Variants in RTCB observed in about 807,000 individuals in gnomAD.
RTCB encodes the protein RNA-splicing ligase RTCB.
Under a neutral mutation model 58.2 loss-of-function variants are expected in RTCB, and 32 were observed. The observed-to-expected ratio is 0.55, with a 90% CI of 0.41 to 0.74. The LOEUF (loss-of-function observed/expected upper bound fraction) is 0.74, where lower values mean the gene tolerates loss of function less well. RTCB is among the 30% of genes least tolerant of loss of function. The pLI, the probability that RTCB is intolerant of heterozygous loss-of-function variation, is 0.00. For synonymous variants in RTCB, 247 were observed against 218.6 expected, an observed-to-expected ratio of 1.13 and a Z score of -1.15; for missense variants, 523 against 639.0, an observed-to-expected ratio of 0.82 and a Z score of 1.96.
Position 32,398,565 on chromosome 22 carries a change from T to C in RTCB, c.655-465A>G, listed in dbSNP as rs546275305. ...GCAGCAAACCACCATGGCAAATGTA[T>C]ACCTATGTCACAAACCAGCACATGT... is the stretch of plus-strand genomic sequence containing the variant. On this transcript the variant is annotated intron_variant, in intron 6 of 11. Transcript: ENST00000216038. Among the ~76,000 whole-genome samples the C allele has an allele frequency of 3.0e-4, 45 of 152,290 alleles. No homozygotes were observed. The South Asian group carries it at 9.3e-3, about 32-fold the overall frequency.
intron 4 of RTCB, among the ~76,000 whole-genome samples, chr22:32,404,962 GT>G (rs1412017011): frequency 1.3e-5 from 2 of 151,894 alleles, no homozygotes; most frequent in Non-Finnish European, 2.9e-5. Flanking sequence ...GCTAGGTCTA[GT>G]TTTTATTTAA....
intron 1 of RTCB, among the ~76,000 whole-genome samples, chr22:32,409,569 A>G (rs1933484715): frequency 6.6e-6 from 1 of 152,236 alleles, no homozygotes; most frequent in Admixed American, 6.5e-5. Flanking sequence ...CAAAGATTTA[A>G]CACTTAATCA....
At chr22:32,388,363 A>T (rs1933094385) in intron 11 of RTCB, among the ~76,000 whole-genome samples, 1 of 152,102 alleles carries the variant, frequency 6.6e-6, no homozygotes, top group South Asian at 2.1e-4. Flanking sequence ...TAGGAAATGT[A>T]GTAAATGTAA....
intron 2 of RTCB, 65 bp downstream of exon 2, chr22:32,408,690 C>T (rs1933468997): frequency 4.3e-6 from 5 of 1,176,108 alleles, no homozygotes; most frequent in Non-Finnish European, 6.4e-6. Context: ...ATTTGAGTTG[C>T]CACTTTTTCA....
At chr22:32,402,697 C>G (rs922982175) in intron 4 of RTCB, among the ~76,000 whole-genome samples, 1 of 151,882 alleles carries the variant, frequency 6.6e-6, no homozygotes, top group African/African-American at 2.4e-5. Context: ...GATCCACCCA[C>G]CTCAGCCTCC....
chr22:32,401,468 T>C (rs1161922485), intron 5 of RTCB: 1 of 280,908 alleles, frequency 3.6e-6, no homozygotes, highest in Non-Finnish European at 6.6e-6. Flanking sequence ...GATGAAATGA[T>C]ATGATGCTCA....
Position 32,395,163 on chromosome 22 carries a change from T to C in RTCB, c.1042A>G (p.Ile348Val), listed in dbSNP as rs1399984100. Residue 348 changes from isoleucine (I) to valine (V), a missense_variant, in exon 9 of 12, where the codon ATC becomes GTC. Ile to Val is a conservative substitution (Grantham distance 29, BLOSUM62 3). Transcript: ENST00000216038. ...GCAATGTTGTGAGAAACATCATAGA[T>C]CACATGTAGGTCCAAGTCATCAGGG... ...TTPDDLDLHV[I>V]YDVSHNIAKV... 1 of 1,614,138 alleles carries C rather than the reference T, an allele frequency of 6.2e-7. No homozygotes were observed. The highest frequency in any genetic ancestry group is 1.7e-5 in the Admixed American group (1 of 60,026).
At chr22:32,396,042 G>A (rs143707370) in intron 8 of RTCB, 32 bp downstream of exon 8, 3 of 1,605,490 alleles carry the variant, frequency 1.9e-6, no homozygotes, top group Non-Finnish European at 1.7e-6. Flanking sequence ...CATCATGAAT[G>A]ACTCGGAACA....
chr22:32,388,186 G>A, intron 11 of RTCB, 87 bp from the exon 12 acceptor site: 3 of 789,308 alleles, frequency 3.8e-6, no homozygotes, highest in Middle Eastern at 2.5e-4. Flanking sequence ...TGAAATAAAT[G>A]CACACTAAAA....
rs1933242423 is a variant in RTCB, at chr22:32,396,156, C to T, written c.908G>A (p.Gly303Asp). Residue 303 changes from glycine (G) to aspartate (D), a missense_variant, in exon 8 of 12, where the codon GGT becomes GAT. Gly to Asp is a moderately conservative substitution (Grantham distance 94). Around this residue, in one of 3 missense-constraint regions of RTCB, gnomAD observed 248 missense variants for 292.5 expected, o/e 0.85. Transcript: ENST00000216038. The part of the protein sequence containing the change: ...LACARIASPE[G>D]QDYLKGMAAA... ...TGCCATTCCCTTCAGATAGTCTTGACCCTCTGGGGAAGCGATTCGAGCACA... is the reference window on the plus strand; with the variant it reads ...TGCCATTCCCTTCAGATAGTCTTGATCCTCTGGGGAAGCGATTCGAGCACA... 2 of 1,614,196 alleles carry T rather than the reference C, an allele frequency of 1.2e-6. No homozygotes were observed. The highest frequency in any genetic ancestry group is 1.7e-6 in the Non-Finnish European group (2 of 1,180,034).
At chr22:32,409,201 T>A (rs371764245) in intron 1 of RTCB, among the ~76,000 whole-genome samples, 2 of 149,398 alleles carry the variant, frequency 1.3e-5, no homozygotes, top group African/African-American at 2.5e-5. Context: ...TTTTGAAAAT[T>A]AAAAAAAAAA....
In RTCB at chr22:32,412,078, C is replaced by T. The variant is rs774152815; in HGVS notation, c.79G>A (p.Val27Met). 3.7e-6 allele frequency: 6 copies of T among 1,607,548 alleles called. No homozygotes were observed. The Admixed American group carries it at 8.4e-5, about 23-fold the overall frequency. The change falls in exon 1 of 12, where the codon GTG (valine) becomes ATG (methionine). Residue 27 changes from valine (V) to methionine (M), a missense_variant. Physicochemically the swap from Val to Met is conservative, Grantham distance 21 (BLOSUM62 1). Around this residue, in one of 3 missense-constraint regions of RTCB, gnomAD observed 134 missense variants for 129.9 expected, o/e 1.03. Coordinates refer to ENST00000216038, the MANE Select transcript of RTCB (RefSeq NM_014306.5). ...TCCTGCCTTACCTGCATGTTGGGCA[C>T]GAAGCCCTTCTTGATCCTCCAGCAG... ...KNCWRIKKGF[V>M]PNMQVEGVFY...
intron 2 of RTCB, 39 bp from the exon 3 acceptor site, chr22:32,408,281 T>G (rs761825109): frequency 1.3e-6 from 2 of 1,524,286 alleles, no homozygotes; most frequent in Non-Finnish European, 1.8e-6. Context: ...GACAACACAC[T>G]TGATTTTTAG....
In RTCB at chr22:32,395,291, G is replaced by A. The variant is rs1933227223; in HGVS notation, c.991-77C>T. On this transcript the variant is annotated intron_variant, in intron 8 of 11. Transcript: ENST00000216038. ...CAGCTCTTCGTGACTCATCTCACTG[G>A]TTTCAGGTAGTCTGTTCTGAAGGGA... 3 of 1,241,378 alleles carry A rather than the reference G, an allele frequency of 2.4e-6. No homozygotes were observed. In the Admixed American group the frequency reaches 6.0e-5, roughly 25 times the overall value. 76.9% of individuals were successfully genotyped at this position (1,241,378 alleles called of 1,614,324 possible).
intron 4 of RTCB, among the ~76,000 whole-genome samples, chr22:32,406,066 G>A (rs528505101): frequency 2.0e-4 from 30 of 152,164 alleles, no homozygotes; most frequent in African/African-American, 6.0e-4. Context: ...ATCTGTCCAC[G>A]AGGTAACTGA....
intron 4 of RTCB, among the ~76,000 whole-genome samples, chr22:32,403,793 T>G (rs1338128096): frequency 6.6e-6 from 1 of 152,238 alleles, no homozygotes; most frequent in African/African-American, 2.4e-5. Flanking sequence ...ACAGTCACTA[T>G]GTTATACATT....
intron 3 of RTCB, 44 bp from the exon 4 acceptor site, chr22:32,406,805 TA>T: frequency 2.2e-6 from 3 of 1,349,002 alleles, no homozygotes; most frequent in Non-Finnish European, 3.2e-6. Flanking sequence ...CTTGACCTGC[TA>T]CCCTGGATGC....
intron 3 of RTCB, chr22:32,407,163 C>A: frequency 5.6e-6 from 1 of 178,404 alleles, no homozygotes; most frequent in South Asian, 1.1e-4. Flanking sequence ...TAATCACAGC[C>A]AAATGTAATC....
chr22:32,391,488 C>T (rs556879979), intron 11 of RTCB, among the ~76,000 whole-genome samples: 55 of 151,526 alleles, frequency 3.6e-4, no homozygotes, highest in African/African-American at 1.1e-3. Context: ...CTCTGCCTCC[C>T]GGATTCAAGT....
Sources: allele counts gnomAD v4.1 joint callset (sites outside exome capture counted in the v4.1 genomes callset), GRCh38; gene constraint gnomAD v4.1.1; regional missense constraint gnomAD v4.1.1; transcripts MANE v1.5; gene names NCBI Gene and HGNC (gene_info 2026-07-23, HGNC 2026-07-21).